The following MAP3K7 variants were observed in gnomAD, a reference collection of about 807,000 sequenced individuals.
The protein encoded by MAP3K7 is mitogen-activated protein kinase kinase kinase 7, also known as TGF-beta activated kinase 1.
A neutral mutation model predicts 84.8 loss-of-function variants in MAP3K7; 21 were observed. The ratio of observed to expected loss-of-function variants is 0.25; its 90% CI spans 0.18 to 0.36. MAP3K7 has a LOEUF of 0.36. Ranked by LOEUF, MAP3K7 falls within the 10% of genes least tolerant of loss-of-function variation. MAP3K7 has a pLI of 1.00. For missense variants in MAP3K7, 503 were observed against 747.7 expected, an observed-to-expected ratio of 0.67 and a Z score of 3.82; for synonymous variants, 241 against 247.7, an observed-to-expected ratio of 0.97 and a Z score of 0.25.
intron 8 of MAP3K7, 63 bp downstream of exon 8, chr6:90,551,986 C>A (rs1776192823): frequency 1.3e-6 from 2 of 1,510,692 alleles, no homozygotes; most frequent in Non-Finnish European, 1.8e-6. Flanking sequence ...TTTAAAATTC[C>A]ATTAAAACTC....
At chr6:90,559,843 C>T (rs1307992236) in intron 5 of MAP3K7, among the ~76,000 whole-genome samples, 1 of 152,092 alleles carries the variant, frequency 6.6e-6, no homozygotes, top group Non-Finnish European at 1.5e-5. Flanking sequence ...GTATGCTAAT[C>T]TAAGGTAGAG....
At chr6:90,548,490 G>A (rs1216883397) in intron 9 of MAP3K7, among the ~76,000 whole-genome samples, 1 of 152,112 alleles carries the variant, frequency 6.6e-6, no homozygotes, top group Non-Finnish European at 1.5e-5. Flanking sequence ...TGAGTTTGAA[G>A]GAAGTATCAG....
At chr6:90,579,589 T>C (rs1582245252) in intron 1 of MAP3K7, among the ~76,000 whole-genome samples, 1 of 152,352 alleles carries the variant, frequency 6.6e-6, no homozygotes, top group African/African-American at 2.4e-5. Context: ...AAGTTCAATA[T>C]GTCAAATACT....
chr6:90,548,523 A>G (rs914473434), intron 9 of MAP3K7, among the ~76,000 whole-genome samples: 1 of 152,146 alleles, frequency 6.6e-6, no homozygotes, highest in Non-Finnish European at 1.5e-5. Flanking sequence ...GAAAATATTA[A>G]GTTTGAGTTT....
chr6:90,586,940 AGACCCGCGCC>A lies in MAP3K7; in HGVS notation c.-67_-58del. On this transcript the variant is annotated 5_prime_UTR_variant, in exon 1 of 17. Coordinates refer to ENST00000369329, the MANE Select transcript of MAP3K7 (RefSeq NM_145331.3). ...CGGTGCCACCCGGACAATCCGGGTGAGACCCGCGCCCACCCGCCTCCGGACCGACCCTCAG... is the reference window on the plus strand; with the variant it reads ...CGGTGCCACCCGGACAATCCGGGTGACACCCGCCTCCGGACCGACCCTCAG... 1 of 1,510,894 alleles carries A rather than the reference AGACCCGCGCC, an allele frequency of 6.6e-7. No individual in the cohort carries two copies. The highest frequency in any genetic ancestry group is 8.8e-7 in the Non-Finnish European group (1 of 1,137,810). The allele number at this position is 1,510,894 out of a possible 1,614,324, so 93.6% of individuals were successfully genotyped here. A position where few individuals can be genotyped will look rare whatever the true frequency, so the allele number is the denominator to read the frequency against.
chr6:90,551,813 AG>A, intron 8 of MAP3K7: 2 of 376,462 alleles, frequency 5.3e-6, no homozygotes, highest in Non-Finnish European at 9.5e-6. Context: ...GTAAGCAAAA[AG>A]AAAAAAGCAA....
chr6:90,537,426 A>G (rs113724729), intron 12 of MAP3K7, among the ~76,000 whole-genome samples: 60 of 152,134 alleles, frequency 3.9e-4, no homozygotes, highest in African/African-American at 1.4e-3. Context: ...AAAACCAATC[A>G]GCAATATAAT....
At chr6:90,526,435 T>C (rs184588680) in intron 13 of MAP3K7, among the ~76,000 whole-genome samples, 7 of 152,260 alleles carry the variant, frequency 4.6e-5, no homozygotes, top group Admixed American at 1.3e-4. Context: ...AAATCTTTTG[T>C]TTTGAAAAAC....
intron 2 of MAP3K7, 58 bp downstream of exon 2, chr6:90,571,639 A>C: frequency 1.0e-6 from 1 of 975,188 alleles, no homozygotes; most frequent in African/African-American, 1.7e-5. Flanking sequence ...TCATAATATT[A>C]AATTCACAGA....
chr6:90,571,450 G>C (rs148804108), intron 2 of MAP3K7, among the ~76,000 whole-genome samples: 5 of 152,046 alleles, frequency 3.3e-5, no homozygotes, highest in African/African-American at 1.2e-4. Context: ...GAATTCCATG[G>C]ATGAAACTGT....
In MAP3K7 at chr6:90,516,420, T is replaced by G; in HGVS notation, c.*81A>C. 4.2e-6 allele frequency: 6 copies of G among 1,436,578 alleles called. No homozygotes were observed. The highest frequency in any genetic ancestry group is 5.8e-6 in the Non-Finnish European group (6 of 1,040,798). The allele number at this position is 1,436,578 out of a possible 1,614,324, so 89.0% of individuals were successfully genotyped here. A position where few individuals can be genotyped will look rare whatever the true frequency, so the allele number is the denominator to read the frequency against. On this transcript the variant is annotated 3_prime_UTR_variant, in exon 17 of 17. Transcript: ENST00000369329. ...GAACACGCCAAAAAGCTAACACTCA[T>G]GAATCGTCATTATAAGGTTTTCCTT...
chr6:90,538,614 T>C (rs1775752339), intron 12 of MAP3K7, among the ~76,000 whole-genome samples: 1 of 151,836 alleles, frequency 6.6e-6, no homozygotes, highest in African/African-American at 2.4e-5. Context: ...TAAGAATACA[T>C]CACATTGCCA....
At chr6:90,543,328 TAA>T (rs895963219) in intron 12 of MAP3K7, among the ~76,000 whole-genome samples, 8 of 152,070 alleles carry the variant, frequency 5.3e-5, no homozygotes, top group Admixed American at 1.3e-4. Flanking sequence ...AAAATTAATA[TAA>T]GATAGTTTTA....
intron 14 of MAP3K7, among the ~76,000 whole-genome samples, chr6:90,521,163 CT>C (rs1189963081): frequency 6.6e-6 from 1 of 151,996 alleles, no homozygotes; most frequent in East Asian, 1.9e-4. Flanking sequence ...TGGGATTTCA[CT>C]TTCTCACTTT....
intron 13 of MAP3K7, among the ~76,000 whole-genome samples, chr6:90,533,185 T>C (rs1775561971): frequency 6.6e-6 from 1 of 152,198 alleles, no homozygotes; most frequent in Non-Finnish European, 1.5e-5. Flanking sequence ...GCACAACAAA[T>C]GGAAGCTGTT....
chr6:90,568,038 G>T (rs1373396487), intron 3 of MAP3K7, among the ~76,000 whole-genome samples: 1 of 152,054 alleles, frequency 6.6e-6, no homozygotes, highest in Middle Eastern at 3.4e-3. Context: ...ACAGGAAGGG[G>T]AACATCACAC....
intron 16 of MAP3K7, 25 bp downstream of exon 16, chr6:90,518,422 T>TA: frequency 2.4e-6 from 3 of 1,233,618 alleles, no homozygotes; most frequent in Non-Finnish European, 3.5e-6. Flanking sequence ...TGTATTTTTA[T>TA]TTTTATTCAT....
intron 3 of MAP3K7, among the ~76,000 whole-genome samples, chr6:90,563,670 C>T (rs2127980487): frequency 6.6e-6 from 1 of 152,260 alleles, no homozygotes. Flanking sequence ...GAGAACTTCC[C>T]CAACCTAGCA....
intron 12 of MAP3K7, chr6:90,536,750 C>G (rs1005276464): frequency 6.2e-5 from 12 of 193,028 alleles, no homozygotes; most frequent in African/African-American, 2.6e-4. Flanking sequence ...CTGATGACGG[C>G]ATCTATTTCA....
Sources: gnomAD v4.1 joint callset for allele counts (sites outside exome capture counted in the v4.1 genomes callset) on GRCh38, gnomAD v4.1.1 for gene constraint, MANE v1.5 for transcripts, NCBI Gene and HGNC (gene_info 2026-07-23, HGNC 2026-07-21) for gene names.